The following IQCK variants were observed in gnomAD, a reference collection of about 807,000 sequenced individuals.
The protein encoded by IQCK is IQ domain-containing protein K.
IQCK carries 29 observed loss-of-function variants against 28.1 expected under a neutral mutation model. That is an observed-to-expected ratio of 1.03 (90% confidence interval 0.77 to 1.41). The LOEUF is 1.41. IQCK is among the 40% of genes most tolerant of loss of function. IQCK has a pLI of 0.00. For missense variants in IQCK, 359 were observed against 314.7 expected (o/e 1.14, Z -1.07); for synonymous variants, 113 against 115.1 (o/e 0.98, Z 0.12).
At chr16:19,852,852 G>A (rs2056502375) in intron 9 of IQCK, among the ~76,000 whole-genome samples, 1 of 152,092 alleles carries the variant, frequency 6.6e-6, no homozygotes, top group Non-Finnish European at 1.5e-5. Flanking sequence ...TTGATCTCCT[G>A]ATCTCGTGAT....
intron 7 of IQCK, among the ~76,000 whole-genome samples, chr16:19,809,910 C>T (rs1011922647): frequency 3.3e-5 from 5 of 152,150 alleles, no homozygotes; most frequent in Admixed American, 6.5e-5. Context: ...TGAGAGCTGG[C>T]AGAGGAGTTA....
chr16:19,718,292 G>T, exon 1 of IQCK: 5 of 1,596,786 alleles, frequency 3.1e-6, no homozygotes, highest in Non-Finnish European at 4.3e-6. Context: ...CGCGGTTACC[G>T]TGGAAACCGC....
chr16:19,810,803 CAA>C (rs1176927256), intron 7 of IQCK, among the ~76,000 whole-genome samples: 67 of 94,756 alleles, frequency 7.1e-4, no homozygotes, highest in Non-Finnish European at 6.4e-4. Flanking sequence ...AAGACTCCAG[CAA>C]AAAAAAAAAA....
intron 4 of IQCK, chr16:19,761,513 A>G: frequency 2.3e-6 from 1 of 430,668 alleles, no homozygotes; most frequent in Non-Finnish European, 4.6e-6. Context: ...GGATCTCTCC[A>G]CATGGCAACG....
At chr16:19,854,569 G>A (rs780176435) in intron 9 of IQCK, among the ~76,000 whole-genome samples, 3 of 152,212 alleles carry the variant, frequency 2.0e-5, no homozygotes, top group Non-Finnish European at 2.9e-5. Flanking sequence ...TGTCCCTAGA[G>A]AGCCAGCCTG....
At chr16:19,733,561 C>A in intron 2 of IQCK, 137 bp from the exon 3 acceptor site, 1 of 937,806 alleles carries the variant, frequency 1.1e-6, no homozygotes, top group South Asian at 1.8e-5. Flanking sequence ...GGAAGGGAGA[C>A]AAAGATCTGT....
intron 4 of IQCK, among the ~76,000 whole-genome samples, chr16:19,763,325 C>G (rs1448889499): frequency 6.6e-6 from 1 of 152,076 alleles, no homozygotes; most frequent in Non-Finnish European, 1.5e-5. Flanking sequence ...AGGTCTTCCT[C>G]CTCATCTTCA....
intron 3 of IQCK, among the ~76,000 whole-genome samples, chr16:19,735,078 C>T (rs1977968807): frequency 2.0e-5 from 3 of 152,124 alleles, no homozygotes; most frequent in Admixed American, 2.0e-4. Context: ...CACACTGGGC[C>T]CCTTGCTATT....
At chr16:19,724,959 G>A (rs1022739181) in intron 1 of IQCK, among the ~76,000 whole-genome samples, 2 of 152,222 alleles carry the variant, frequency 1.3e-5, no homozygotes, top group Non-Finnish European at 2.9e-5. Flanking sequence ...GTTGAGGGGA[G>A]AGGGTTCACT....
intron 4 of IQCK, among the ~76,000 whole-genome samples, chr16:19,743,379 C>T (rs2054864168): frequency 6.6e-6 from 1 of 152,154 alleles, no homozygotes; most frequent in Non-Finnish European, 1.5e-5. Flanking sequence ...TGCTAGGCTC[C>T]CTGGAGCTGG....
At chr16:19,848,787 A>T (rs78522363) in intron 9 of IQCK, among the ~76,000 whole-genome samples, 1,706 of 152,358 alleles carry the variant, frequency 0.011, 13 homozygotes, top group Non-Finnish European at 0.018. Context: ...CAGAGCCAGG[A>T]TTTGAATACT....
chr16:19,751,483 AAGAT>A (rs1309380417), intron 4 of IQCK, among the ~76,000 whole-genome samples: 1 of 152,212 alleles, frequency 6.6e-6, no homozygotes, highest in African/African-American at 2.4e-5. Context: ...ATCTTTAAAA[AAGAT>A]AAATAAATAA....
chr16:19,723,250 A>C (rs1455126068), intron 1 of IQCK, among the ~76,000 whole-genome samples: 1 of 152,214 alleles, frequency 6.6e-6, no homozygotes, highest in African/African-American at 2.4e-5. Context: ...GAACCTCTCT[A>C]AAATTCAAAT....
At chr16:19,745,100 A>G (rs572910288) in intron 4 of IQCK, among the ~76,000 whole-genome samples, 2 of 152,348 alleles carry the variant, frequency 1.3e-5, no homozygotes, top group African/African-American at 4.8e-5. Context: ...AAAAAATTTC[A>G]AAAGAAGCAC....
At chr16:19,804,181 T>C (rs1268030673) in intron 7 of IQCK, among the ~76,000 whole-genome samples, 1 of 151,636 alleles carries the variant, frequency 6.6e-6, no homozygotes, top group African/African-American at 2.4e-5. Context: ...AAACCCTGTC[T>C]CTACTAAAAA....
chr16:19,811,117 C>A (rs2141067295), intron 7 of IQCK, among the ~76,000 whole-genome samples: 1 of 152,166 alleles, frequency 6.6e-6, no homozygotes, highest in East Asian at 1.9e-4. Flanking sequence ...AACCTGGTCT[C>A]TACAAAAAAT....
At chr16:19,766,339 A>G (rs1380184528) in intron 6 of IQCK, among the ~76,000 whole-genome samples, 1 of 152,162 alleles carries the variant, frequency 6.6e-6, no homozygotes, top group Admixed American at 6.5e-5. Context: ...AATGTTAACA[A>G]AGCATTAAAG....
chr16:19,751,042 C>G lies in IQCK; in HGVS notation c.475-12806C>G, dbSNP rs531122631. On this transcript the variant is annotated intron_variant, in intron 4 of 7. Coordinates refer to ENST00000564186, the Ensembl canonical transcript of IQCK. ...AATCTCTCCTTCAGCTCTGCTAGCT[C>G]TGTGCCCCTAGGAAGTCTCCTGAAA... Among the ~76,000 whole-genome samples, 5 of 152,126 alleles carry G rather than the reference C, an allele frequency of 3.3e-5. No individual in the cohort carries two copies. In the South Asian group the frequency reaches 1.0e-3, roughly 32 times the overall value.
At chr16:19,784,180 C>T (rs141146641) in intron 6 of IQCK, among the ~76,000 whole-genome samples, 4 of 152,016 alleles carry the variant, frequency 2.6e-5, no homozygotes, top group Non-Finnish European at 4.4e-5. Flanking sequence ...ACAAAGAGGG[C>T]GTTTTCTATG....
Sources: gnomAD v4.1 joint callset for allele counts (sites outside exome capture counted in the v4.1 genomes callset) on GRCh38, gnomAD v4.1.1 for gene constraint, MANE v1.5 for transcripts, NCBI Gene and HGNC (gene_info 2026-07-23, HGNC 2026-07-21) for gene names.